SCCPDH: variants seen among roughly 807,000 people sequenced by gnomAD.
SCCPDH encodes saccharopine dehydrogenase-like oxidoreductase.
A neutral mutation model predicts 51.5 loss-of-function variants in SCCPDH; 34 were observed. The ratio of observed to expected loss-of-function variants is 0.66; its 90% CI spans 0.50 to 0.88. SCCPDH has a LOEUF of 0.88. SCCPDH is among the 40% of genes least tolerant of loss of function. The pLI is 0.00. For missense variants in SCCPDH, 464 were observed against 527.1 expected (o/e 0.88, Z 1.17); for synonymous variants, 187 against 191.3 (o/e 0.98, Z 0.19).
intron 3 of SCCPDH, among the ~76,000 whole-genome samples, chr1:246,736,341 CG>C (rs1428380901): frequency 1.3e-5 from 2 of 152,128 alleles, no homozygotes; most frequent in Non-Finnish European, 2.9e-5. Flanking sequence ...ATTAAAATAG[CG>C]GACTGTGCAT....
intron 3 of SCCPDH, among the ~76,000 whole-genome samples, chr1:246,736,593 T>A (rs1281479857): frequency 6.6e-6 from 1 of 151,742 alleles, no homozygotes; most frequent in African/African-American, 2.4e-5. Context: ...CCCAGCTTCT[T>A]GGGAGGCTGA....
chr1:246,753,934 A>G (rs1397029621), intron 5 of SCCPDH, among the ~76,000 whole-genome samples: 3 of 151,680 alleles, frequency 2.0e-5, no homozygotes, highest in Admixed American at 6.6e-5. Context: ...TGGTCCTTTC[A>G]TTATCCTTCT....
intron 4 of SCCPDH, among the ~76,000 whole-genome samples, chr1:246,743,036 G>C (rs1205196433): frequency 6.6e-6 from 1 of 152,068 alleles, no homozygotes; most frequent in Non-Finnish European, 1.5e-5. Flanking sequence ...TACATTCATT[G>C]TAAGCCACTG....
intron 10 of SCCPDH, 45 bp from the exon 11 acceptor site, chr1:246,766,013 A>C: frequency 4.0e-3 from 4,119 of 1,026,554 alleles, no homozygotes; most frequent in Non-Finnish European, 5.6e-3. Context: ...TTGAATGGGT[A>C]CTTCATGATT....
chr1:246,735,887 G>A, intron 2 of SCCPDH, 88 bp from the exon 3 acceptor site: 1 of 829,004 alleles, frequency 1.2e-6, no homozygotes. Flanking sequence ...TTGATAACTA[G>A]GACTGTTTAC....
rs768256280 is a variant in SCCPDH, at chr1:246,760,146, ACT to A, written c.934-24_934-23del. On this transcript the variant is annotated intron_variant, in intron 8 of 11. Coordinates refer to ENST00000366510, the MANE Select transcript of SCCPDH (RefSeq NM_016002.3). ...TTTCCATGAGTTTTAAAAAAATATCACTGACGGTTTTTTTTTCCCTTTAGTTC... is the reference window on the plus strand; with the variant it reads ...TTTCCATGAGTTTTAAAAAAATATCAGACGGTTTTTTTTTCCCTTTAGTTC... 7.9e-5 allele frequency: 126 copies of A among 1,596,802 alleles called. No homozygotes were observed. The African/African-American group carries it at 1.6e-3, about 20-fold the overall frequency.
chr1:246,745,209 C>G (rs1487476306), intron 5 of SCCPDH, among the ~76,000 whole-genome samples: 1 of 152,012 alleles, frequency 6.6e-6, no homozygotes, highest in African/African-American at 2.4e-5. Context: ...ACGTTGGGAA[C>G]GTAAGACAGT....
chr1:246,750,386 A>C (rs1175706923), intron 5 of SCCPDH, among the ~76,000 whole-genome samples: 3 of 152,202 alleles, frequency 2.0e-5, no homozygotes, highest in East Asian at 1.9e-4. Context: ...CAACCTATAC[A>C]ACACTTCGTA....
intron 4 of SCCPDH, among the ~76,000 whole-genome samples, chr1:246,741,582 G>C (rs1668676922): frequency 6.6e-6 from 1 of 152,044 alleles, no homozygotes; most frequent in African/African-American, 2.4e-5. Context: ...ACAGACGTGA[G>C]CCACCATGCG....
At chr1:246,761,539 G>A (rs1048246043) in intron 9 of SCCPDH, among the ~76,000 whole-genome samples, 116 of 152,220 alleles carry the variant, frequency 7.6e-4, no homozygotes, top group African/African-American at 2.4e-3. Context: ...CTCTACACCC[G>A]TGAAACAATA....
intron 1 of SCCPDH, among the ~76,000 whole-genome samples, chr1:246,726,009 C>T (rs1668393807): frequency 6.6e-6 from 1 of 152,036 alleles, no homozygotes; most frequent in Non-Finnish European, 1.5e-5. Context: ...GGACTAGAGG[C>T]GCCCGCCACC....
intron 5 of SCCPDH, among the ~76,000 whole-genome samples, chr1:246,745,925 G>A (rs915731455): frequency 2.0e-5 from 3 of 151,842 alleles, no homozygotes; most frequent in Non-Finnish European, 4.4e-5. Flanking sequence ...TGGCTAACAC[G>A]GTGAAACCCC....
intron 3 of SCCPDH, among the ~76,000 whole-genome samples, chr1:246,737,443 C>A (rs1279773460): frequency 1.3e-5 from 2 of 152,092 alleles, no homozygotes; most frequent in Admixed American, 6.5e-5. Flanking sequence ...GATCATGCCA[C>A]TGCACTCCAG....
In SCCPDH at chr1:246,750,419, C is replaced by T. The variant is rs924623233; in HGVS notation, c.564+6294C>T. Among the ~76,000 whole-genome samples the T allele has an allele frequency of 8.5e-5, 13 of 152,112 alleles. No homozygotes were observed. The South Asian group carries it at 1.0e-3, about 12-fold the overall frequency. ...GTAAGGGGATAAGCGAACATCTTTC[C>T]GAGGGGCAGTTCAGATTCTAGGCAG... On this transcript the variant is annotated intron_variant, in intron 5 of 11. Coordinates refer to ENST00000366510, the MANE Select transcript of SCCPDH (RefSeq NM_016002.3).
chr1:246,763,567 G>A (rs1669048951), intron 9 of SCCPDH, among the ~76,000 whole-genome samples: 1 of 152,080 alleles, frequency 6.6e-6, no homozygotes, highest in African/African-American at 2.4e-5. Flanking sequence ...CTCTGCCCTG[G>A]TAGATTAATA....
chr1:246,745,059 G>A (rs1271890186), intron 5 of SCCPDH, among the ~76,000 whole-genome samples: 1 of 152,230 alleles, frequency 6.6e-6, no homozygotes, highest in African/African-American at 2.4e-5. Flanking sequence ...TCACCTTAGT[G>A]CAAGTCAGCA....
At chr1:246,735,062 TC>T (rs1462788729) in intron 2 of SCCPDH, among the ~76,000 whole-genome samples, 1 of 152,200 alleles carries the variant, frequency 6.6e-6, no homozygotes, top group Non-Finnish European at 1.5e-5. Flanking sequence ...AGTCAGGAAA[TC>T]CAGTCATTTC....
At chr1:246,761,112 C>A (rs567056627) in intron 9 of SCCPDH, among the ~76,000 whole-genome samples, 7 of 151,852 alleles carry the variant, frequency 4.6e-5, no homozygotes, top group Non-Finnish European at 1.0e-4. Flanking sequence ...GTGCACTTAA[C>A]GTAGCATCAT....
At chr1:246,765,866 A>G (rs910656080) in intron 10 of SCCPDH, among the ~76,000 whole-genome samples, 192 bp from the exon 11 acceptor site, 1 of 152,238 alleles carries the variant, frequency 6.6e-6, no homozygotes, top group African/African-American at 2.4e-5. Context: ...TAATAGACCT[A>G]AAGCACTTAG....
Sources: allele counts gnomAD v4.1 joint callset (sites outside exome capture counted in the v4.1 genomes callset), GRCh38; gene constraint gnomAD v4.1.1; transcripts MANE v1.5; gene names NCBI Gene and HGNC (gene_info 2026-07-23, HGNC 2026-07-21).